The following KIF3C variants were observed in gnomAD, a reference collection of about 807,000 sequenced individuals.
KIF3C encodes kinesin-like protein KIF3C.
A neutral mutation model predicts 67.7 loss-of-function variants in KIF3C; 12 were observed. That is an observed-to-expected ratio of 0.18 (90% CI 0.11 to 0.29). KIF3C has a LOEUF of 0.29. Among genes scored for constraint, KIF3C ranks in the 10% least tolerant of loss-of-function variants. The pLI, the probability that KIF3C is intolerant of heterozygous loss-of-function variation, is 1.00. For missense variants in KIF3C, 789 were observed against 1,059.6 expected, an observed-to-expected ratio of 0.74 and a Z score of 3.55; for synonymous variants, 393 against 426.2, an observed-to-expected ratio of 0.92 and a Z score of 0.96.
In KIF3C at chr2:25,962,951, AATATATAAT is replaced by A. The variant is rs1407341334; in HGVS notation, c.1546-6516_1546-6508del. On this transcript the variant is annotated intron_variant, in intron 1 of 7. Coordinates refer to ENST00000264712, the MANE Select transcript of KIF3C (RefSeq NM_002254.8). Reference sequence around the variant, plus strand: ...ATAATACATATAATATATAATATATAATATATAATATATATAATATATAATATATAATAT... The same window carrying A: ...ATAATACATATAATATATAATATATAATATATAATATATAATATATAATAT... 1.5e-3 allele frequency among the ~76,000 whole-genome samples: 50 copies of A among 33,070 alleles called. No homozygotes were observed. In the East Asian group the frequency reaches 0.11, roughly 75 times the overall value. The allele number at this position is 33,070 out of a possible 152,430, so 21.7% of individuals were successfully genotyped here.
At chr2:25,947,863 G>A (rs957026892) in intron 5 of KIF3C, among the ~76,000 whole-genome samples, 1 of 151,960 alleles carries the variant, frequency 6.6e-6, no homozygotes, top group Admixed American at 6.6e-5. Context: ...TTGAAGTAAG[G>A]GTTACTTAAA....
rs767719541 is a variant in KIF3C at position 25,929,937 on chromosome 2, C to A, written c.2115+18G>T. 1 of 1,571,300 alleles carries A rather than the reference C, an allele frequency of 6.4e-7. No homozygotes were observed. The highest frequency in any genetic ancestry group is 8.8e-7 in the Non-Finnish European group (1 of 1,140,936). On this transcript the variant is annotated intron_variant, in intron 6 of 7. Coordinates refer to ENST00000264712, the MANE Select transcript of KIF3C (RefSeq NM_002254.8). ...GGCCTCCCTCCCGTAGGCTCTTTCT[C>A]CCCTCTCCGCTTCTTACCCTGTACC...
chr2:25,960,646 T>G (rs1482745456), intron 1 of KIF3C, among the ~76,000 whole-genome samples: 1 of 152,166 alleles, frequency 6.6e-6, no homozygotes, highest in African/African-American at 2.4e-5. Flanking sequence ...TAAATTTAAA[T>G]GGAGATCCAG....
chr2:25,966,759 C>T lies in KIF3C; in HGVS notation c.1546-10315G>A, dbSNP rs567748765. Among the ~76,000 whole-genome samples, 8 of 152,334 alleles carry T rather than the reference C, an allele frequency of 5.3e-5. No individual in the cohort carries two copies. The South Asian group carries it at 1.7e-3, about 32-fold the overall frequency. On this transcript the variant is annotated intron_variant, in intron 1 of 7. Coordinates refer to ENST00000264712, the MANE Select transcript of KIF3C (RefSeq NM_002254.8). Reference sequence around the variant, plus strand: ...AGAAGCCAAACAGGCTCTGCCCTGCCACTGCCACCTATCTGTGACATTCCG... The same window carrying T: ...AGAAGCCAAACAGGCTCTGCCCTGCTACTGCCACCTATCTGTGACATTCCG...
At chr2:25,960,279 G>A (rs1156858156) in intron 1 of KIF3C, among the ~76,000 whole-genome samples, 1 of 152,106 alleles carries the variant, frequency 6.6e-6, no homozygotes, top group Non-Finnish European at 1.5e-5. Flanking sequence ...CAGACCTAGT[G>A]AATTGAGATC....
chr2:25,956,460 G>GGTT lies in KIF3C; in HGVS notation c.1546-19_1546-17dup. On this transcript the variant is annotated splice_polypyrimidine_tract_variant and intron_variant, in intron 1 of 7. Coordinates refer to ENST00000264712, the MANE Select transcript of KIF3C (RefSeq NM_002254.8). ...TCTCCATGGCCTGGGGACACAGAGG[G>GGTT]GTTGGGAGGTGGGCTTTGCAAAGGG... 6.2e-7 allele frequency: 1 copy of GGTT among 1,601,602 alleles called. No individual in the cohort carries two copies. The highest frequency in any genetic ancestry group is 8.6e-7 in the Non-Finnish European group (1 of 1,169,166).
chr2:25,931,151 C>T (rs1435902115), intron 5 of KIF3C, among the ~76,000 whole-genome samples: 1 of 152,052 alleles, frequency 6.6e-6, no homozygotes, highest in East Asian at 1.9e-4. Context: ...CAGGCATCCA[C>T]TAGAGGTCTT....
intron 5 of KIF3C, among the ~76,000 whole-genome samples, chr2:25,942,958 A>C (rs1406119241): frequency 1.3e-5 from 2 of 152,190 alleles, no homozygotes; most frequent in Non-Finnish European, 2.9e-5. Flanking sequence ...TGGAGGAAGA[A>C]TGTTTTTTGA....
At chr2:25,931,227 C>G (rs908346977) in intron 5 of KIF3C, among the ~76,000 whole-genome samples, 2 of 151,932 alleles carry the variant, frequency 1.3e-5, no homozygotes, top group Non-Finnish European at 2.9e-5. Flanking sequence ...GAGGCCGAGA[C>G]GGGTAGATCA....
intron 5 of KIF3C, among the ~76,000 whole-genome samples, chr2:25,948,740 TGAAGGGAG>T (rs1231434753): frequency 3.1e-5 from 3 of 95,270 alleles, no homozygotes; most frequent in Non-Finnish European, 5.9e-5. Context: ...AGGGAAGGAA[TGAAGGGAG>T]GGAGGGAGGG....
At chr2:25,959,401 T>C (rs370151847) in intron 1 of KIF3C, among the ~76,000 whole-genome samples, 1 of 152,154 alleles carries the variant, frequency 6.6e-6, no homozygotes, top group Admixed American at 6.6e-5. Flanking sequence ...AGATAACAAG[T>C]GCTCAATACG....
At chr2:25,939,117 G>T (rs1663219619) in intron 5 of KIF3C, among the ~76,000 whole-genome samples, 2 of 152,112 alleles carry the variant, frequency 1.3e-5, no homozygotes, top group African/African-American at 4.8e-5. Flanking sequence ...ACAGGTGACA[G>T]CCATCACATC....
intron 1 of KIF3C, among the ~76,000 whole-genome samples, chr2:25,975,026 C>CAAAAAAAAAAAAAAAAAA (rs1196962529): frequency 3.9e-4 from 45 of 116,396 alleles, no homozygotes; most frequent in African/African-American, 7.7e-4. Context: ...AACTCCATCT[C>CAAAAAAAAAAAAAAAAAA]AAAAAAAAAA....
At chr2:25,956,042 G>A (rs1175529249) in intron 2 of KIF3C, among the ~76,000 whole-genome samples, 1 of 152,192 alleles carries the variant, frequency 6.6e-6, no homozygotes, top group Non-Finnish European at 1.5e-5. Flanking sequence ...TAGGGAAACA[G>A]TCATACAGTT....
At chr2:25,954,044 T>C in intron 4 of KIF3C, 1 of 532,066 alleles carries the variant, frequency 1.9e-6, no homozygotes, top group Admixed American at 3.2e-5. Flanking sequence ...CGGAGTTACT[T>C]TTGGCCAGCA....
At chr2:25,929,656 C>T (rs1266730171) in intron 6 of KIF3C, among the ~76,000 whole-genome samples, 179 bp from the exon 7 acceptor site, 2 of 151,600 alleles carry the variant, frequency 1.3e-5, no homozygotes, top group South Asian at 2.1e-4. Flanking sequence ...CACTCTGTTG[C>T]CCAGGCTGGA....
chr2:25,960,277 G>A (rs1663912754), intron 1 of KIF3C, among the ~76,000 whole-genome samples: 1 of 152,116 alleles, frequency 6.6e-6, no homozygotes, highest in Admixed American at 6.6e-5. Flanking sequence ...TTCAGACCTA[G>A]TGAATTGAGA....
At position 25,955,050 on chromosome 2, in the gene KIF3C, A is replaced by AC. The variant is rs1363012805; in HGVS notation, c.1770+490dup. On this transcript the variant is annotated intron_variant, in intron 3 of 7. Transcript: ENST00000264712. The surrounding 1 kb of genome is among the most constrained non-coding windows in gnomAD (Gnocchi z 5.0). ...AGAGCTTTGCTGCTTCCTGCCCTAGACCCCCCTCACATGTACATGTCTTTC... is the reference window on the plus strand; with the variant it reads ...AGAGCTTTGCTGCTTCCTGCCCTAGACCCCCCCTCACATGTACATGTCTTTC... 2.0e-5 allele frequency among the ~76,000 whole-genome samples: 3 copies of AC among 151,416 alleles called. No individual in the cohort carries two copies. Among genetic ancestry groups the AC allele is most frequent in the Non-Finnish European group, 4.4e-5 (3 of 67,838 alleles).
At position 25,936,237 on chromosome 2, in the gene KIF3C, C is replaced by T. The variant is rs1310750318; in HGVS notation, c.2007-6174G>A. On this transcript the variant is annotated intron_variant, in intron 5 of 7. Coordinates refer to ENST00000264712, the MANE Select transcript of KIF3C (RefSeq NM_002254.8). ...TAAATTTTTTGTAGAGATGGGGTCTCGCTATGTTGTCCAGGCTGGTCTCAA... is the reference window on the plus strand; with the variant it reads ...TAAATTTTTTGTAGAGATGGGGTCTTGCTATGTTGTCCAGGCTGGTCTCAA... 2.0e-5 allele frequency among the ~76,000 whole-genome samples: 3 copies of T among 152,234 alleles called. No homozygotes were observed. The East Asian group carries it at 5.8e-4, about 29-fold the overall frequency.
Sources: allele counts gnomAD v4.1 joint callset (sites outside exome capture counted in the v4.1 genomes callset), GRCh38; gene constraint gnomAD v4.1.1; non-coding constraint Gnocchi (gnomAD v3.1); transcripts MANE v1.5; gene names NCBI Gene and HGNC (gene_info 2026-07-23, HGNC 2026-07-21).